ZNF660: variants seen among roughly 807,000 people sequenced by gnomAD.
The protein encoded by ZNF660 is zinc finger protein 660.
In ZNF660, 24 loss-of-function variants were observed where a neutral mutation model predicts 23.2. The ratio of observed to expected loss-of-function variants is 1.04; its 90% CI spans 0.75 to 1.46. The LOEUF (loss-of-function observed/expected upper bound fraction) is 1.46, where lower values mean the gene tolerates loss of function less well. ZNF660 is among the 40% of genes most tolerant of loss of function. The pLI, the probability that ZNF660 is intolerant of heterozygous loss-of-function variation, is 0.00. For synonymous variants in ZNF660, 117 were observed against 131.4 expected, an observed-to-expected ratio of 0.89 and a Z score of 0.75; for missense variants, 373 against 396.8, an observed-to-expected ratio of 0.94 and a Z score of 0.51.
chr3:44,597,910 G>C lies in ZNF660; in HGVS notation c.*2721G>C, dbSNP rs1700665356. On this transcript the variant is annotated 3_prime_UTR_variant, in exon 3 of 3. Transcript: ENST00000322734. The surrounding 1 kb of genome is among the most constrained non-coding windows in gnomAD (Gnocchi z 4.1). Reference sequence around the variant, plus strand: ...AGGCTAATACCTGCCTTGAGCTGTAGGAATAAACACTTGACAGTGGGTTCC... The same window carrying C: ...AGGCTAATACCTGCCTTGAGCTGTACGAATAAACACTTGACAGTGGGTTCC... 6.6e-6 allele frequency: 1 copy of C among 152,136 alleles called. No homozygotes were observed. Among genetic ancestry groups the C allele is most frequent in the African/African-American group, 2.4e-5 (1 of 41,404 alleles). The allele number at this position is 152,136 out of a possible 1,614,324, so 9.4% of individuals were successfully genotyped here.
chr3:44,595,090 G>A lies in ZNF660; in HGVS notation c.897G>A (p.Glu299=), dbSNP rs752803942. The change falls in exon 3 of 3, where the codon GAG becomes GAA. Residue 299 remains glutamate (E), a synonymous_variant. Transcript: ENST00000322734. ...VILHLRTHTK[E]KPYKCSECGK... is the part of the protein sequence containing the mutation. ...TACACTTGAGAACCCACACTAAGGA[G>A]AAACCCTATAAATGTAGTGAGTGTG... 9.3e-6 allele frequency: 15 copies of A among 1,613,880 alleles called. 1 individual carries two copies. The highest frequency in any genetic ancestry group is 2.5e-6 in the Non-Finnish European group (3 of 1,179,986).
At chr3:44,590,980 G>A (rs1700404665) in intron 2 of ZNF660, among the ~76,000 whole-genome samples, 1 of 152,192 alleles carries the variant, frequency 6.6e-6, no homozygotes, top group African/African-American at 2.4e-5. Context: ...ATGTGCCTGT[G>A]TATGGAATCA....
At position 44,595,408 on chromosome 3, in the gene ZNF660, C is replaced by T. The variant is rs1575410212; in HGVS notation, c.*219C>T. The T allele has an allele frequency of 2.3e-6, 1 of 439,804 alleles. No homozygotes were observed. The allele number at this position is 439,804 out of a possible 1,614,324, so 27.2% of individuals were successfully genotyped here. On this transcript the variant is annotated 3_prime_UTR_variant, in exon 3 of 3. Coordinates refer to ENST00000322734, the MANE Select transcript of ZNF660 (RefSeq NM_173658.4). The stretch of plus-strand genomic sequence containing the variant: ...TTACAGGGTTGAAATGAATGATGAG[C>T]TATCCATATGATGGTTCTGCAGCCA...
Position 44,594,580 on chromosome 3 carries a change from T to C in ZNF660, c.387T>C (p.Ser129=), listed in dbSNP as rs1262379033. Residue 129 remains serine (S), a synonymous_variant, in exon 3 of 3, where the codon AGT becomes AGC. Transcript: ENST00000322734. The part of the protein sequence containing the change: ...SHLIRHQGIH[S]GEKTYECKEC... ...TTATTCGGCACCAGGGAATCCACAG[T>C]GGGGAGAAAACTTATGAATGTAAAG... 6.2e-7 allele frequency: 1 copy of C among 1,614,148 alleles called. No individual in the cohort carries two copies.
At position 44,599,115 on chromosome 3, in the gene ZNF660, C is replaced by A. The variant is rs1700715457; in HGVS notation, c.*3926C>A. 1 of 152,176 alleles carries A rather than the reference C, an allele frequency of 6.6e-6. No individual in the cohort carries two copies. Among genetic ancestry groups the A allele is most frequent in the African/African-American group, 2.4e-5 (1 of 41,432 alleles). The allele number at this position is 152,176 out of a possible 1,614,324, so 9.4% of individuals were successfully genotyped here. ...CTTGTTATTTGGTTTCTTGTCTACT[C>A]ACATTTATTCACTTACAGTTTTAGT... On this transcript the variant is annotated 3_prime_UTR_variant, in exon 3 of 3. Transcript: ENST00000322734.
At position 44,597,825 on chromosome 3, in the gene ZNF660, AT is replaced by A. The variant is rs1294472669; in HGVS notation, c.*2639del. Reference sequence around the variant, plus strand: ...AGAACTGAATATAGGAGAGCTTCATATTTCTTGCCCCAGGCAGGCGAGGATT... The same window carrying A: ...AGAACTGAATATAGGAGAGCTTCATATTCTTGCCCCAGGCAGGCGAGGATT... On this transcript the variant is annotated 3_prime_UTR_variant, in exon 3 of 3. Transcript: ENST00000322734. This position sits in a 1 kb window ranked among gnomAD's most constrained non-coding sequence, Gnocchi z 4.1. 2.0e-5 allele frequency: 3 copies of A among 152,220 alleles called. No homozygotes were observed. The highest frequency in any genetic ancestry group is 7.2e-5 in the African/African-American group (3 of 41,450). The allele number at this position is 152,220 out of a possible 1,614,324, so 9.4% of individuals were successfully genotyped here.
intron 2 of ZNF660, among the ~76,000 whole-genome samples, chr3:44,589,226 C>G (rs1700334398): frequency 6.6e-6 from 1 of 152,194 alleles, no homozygotes; most frequent in South Asian, 2.1e-4. Context: ...TCCATCTGGG[C>G]TAATCTTCCT....
intron 2 of ZNF660, among the ~76,000 whole-genome samples, chr3:44,591,019 C>T (rs1700406200): frequency 6.6e-6 from 1 of 152,204 alleles, no homozygotes; most frequent in Non-Finnish European, 1.5e-5. Flanking sequence ...GAGATGTGAA[C>T]TCGAATATGT....
intron 2 of ZNF660, among the ~76,000 whole-genome samples, chr3:44,591,333 T>C (rs1700417339): frequency 6.6e-6 from 1 of 152,150 alleles, no homozygotes; most frequent in Admixed American, 6.5e-5. Flanking sequence ...CTCCCTGTCT[T>C]ACCCTGGCTG....
Position 44,594,027 on chromosome 3 carries a change from G to A in ZNF660, c.-167G>A, listed in dbSNP as rs1461590853. On this transcript the variant is annotated 5_prime_UTR_variant, in exon 3 of 3. Coordinates refer to ENST00000322734, the MANE Select transcript of ZNF660 (RefSeq NM_173658.4). ...TTCTCCTGTCAGATGGTGAAACTGG[G>A]ACTGAGGAGGAGTTAATTCCAAAGC... is the stretch of plus-strand genomic sequence containing the variant. 3.6e-6 allele frequency: 3 copies of A among 827,406 alleles called. No individual in the cohort carries two copies. Among genetic ancestry groups the A allele is most frequent in the Middle Eastern group, 2.2e-4 (1 of 4,554 alleles). The allele number at this position is 827,406 out of a possible 1,614,324, so 51.3% of individuals were successfully genotyped here. A position where few individuals can be genotyped will look rare whatever the true frequency, so the allele number is the denominator to read the frequency against.
At chr3:44,593,576 G>A (rs370437641) in intron 2 of ZNF660, among the ~76,000 whole-genome samples, 3 of 152,092 alleles carry the variant, frequency 2.0e-5, no homozygotes, top group East Asian at 1.9e-4. Context: ...TTAGCTGGGC[G>A]TGGTGGCAGG....
At chr3:44,592,606 A>G (rs1363943308) in intron 2 of ZNF660, among the ~76,000 whole-genome samples, 4 of 152,112 alleles carry the variant, frequency 2.6e-5, no homozygotes, top group African/African-American at 9.7e-5. Context: ...ATACTTTACT[A>G]TTATGCCATG....
At chr3:44,588,663 T>C (rs954906028) in intron 2 of ZNF660, among the ~76,000 whole-genome samples, 2 of 152,038 alleles carry the variant, frequency 1.3e-5, no homozygotes, top group African/African-American at 4.8e-5. Flanking sequence ...CTGGCTCACT[T>C]TTTAAAATAT....
chr3:44,594,724 TACTC>T lies in ZNF660; in HGVS notation c.533_536del (p.Thr178AsnfsTer51). On this transcript the variant is annotated frameshift_variant, in exon 3 of 3. Coordinates refer to ENST00000322734, the MANE Select transcript of ZNF660 (RefSeq NM_173658.4). LOFTEE classifies it high-confidence loss of function. ...AAGCCTTTAGCCGTAGTTCAAACCTTACTCAACATCAGCGAATGCACAGAGGAAA... is the reference window on the plus strand; with the variant it reads ...AAGCCTTTAGCCGTAGTTCAAACCTTAACATCAGCGAATGCACAGAGGAAA... The T allele has an allele frequency of 6.2e-7, 1 of 1,614,140 alleles. No individual in the cohort carries two copies. Among genetic ancestry groups the T allele is most frequent in the Non-Finnish European group, 8.5e-7 (1 of 1,180,034 alleles).
chr3:44,594,639 T>A lies in ZNF660; in HGVS notation c.446T>A (p.Leu149His). Reference sequence around the variant, plus strand: ...AAAGCCTTTAGTCGGAGTTCGGGCCTTATATCACATCACAGAGTTCACACC... The same window carrying A: ...AAAGCCTTTAGTCGGAGTTCGGGCCATATATCACATCACAGAGTTCACACC... ...CGKAFSRSSG[L>H]ISHHRVHTGE... Residue 149 changes from leucine to histidine, a missense_variant, in exon 3 of 3, where the codon CTT becomes CAT. Physicochemically the swap from Leu to His is moderately conservative, Grantham distance 99 (BLOSUM62 -3). Transcript: ENST00000322734. 6.2e-7 allele frequency: 1 copy of A among 1,613,932 alleles called. No individual in the cohort carries two copies. Among genetic ancestry groups the A allele is most frequent in the East Asian group, 2.2e-5 (1 of 44,842 alleles).
At chr3:44,592,493 C>T (rs908973176) in intron 2 of ZNF660, among the ~76,000 whole-genome samples, 15 of 152,174 alleles carry the variant, frequency 9.9e-5, no homozygotes, top group African/African-American at 3.1e-4. Context: ...CAGAGTTTCA[C>T]GTCAAACCAG....
Position 44,599,229 on chromosome 3 carries a change from A to AAT in ZNF660, c.*4047_*4048dup, listed in dbSNP as rs1433245651. The stretch of plus-strand genomic sequence containing the variant: ...TAGAATTGCTCCTGTGTAGAATAAA[A>AAT]ATATATATGCTCTTTTTAGTTGAGA... On this transcript the variant is annotated 3_prime_UTR_variant, in exon 3 of 3. Transcript: ENST00000322734. The AAT allele has an allele frequency of 6.6e-6, 1 of 152,200 alleles. No homozygotes were observed. Among genetic ancestry groups the AAT allele is most frequent in the Non-Finnish European group, 1.5e-5 (1 of 68,036 alleles). The allele number at this position is 152,200 out of a possible 1,614,324, so 9.4% of individuals were successfully genotyped here. A position where few individuals can be genotyped will look rare whatever the true frequency, so the allele number is the denominator to read the frequency against.
intron 1 of ZNF660, among the ~76,000 whole-genome samples, chr3:44,585,395 G>C (rs1455013126): frequency 6.6e-6 from 1 of 152,216 alleles, no homozygotes; most frequent in Non-Finnish European, 1.5e-5. Flanking sequence ...CTGGGGCCCA[G>C]AGAAGAGGAC....
Position 44,594,253 on chromosome 3 carries a change from A to G in ZNF660, c.60A>G (p.Thr20=), listed in dbSNP as rs758583112. ...CAGTTAAAGACAATAAAGTACTCACAGAAGGGAGTGACCAAGAATCTGAAA... is the reference window on the plus strand; with the variant it reads ...CAGTTAAAGACAATAAAGTACTCACGGAAGGGAGTGACCAAGAATCTGAAA... ...HKTVKDNKVL[T]EGSDQESEKD... The change falls in exon 3 of 3, where the codon ACA becomes ACG. Residue 20 remains threonine, a synonymous_variant. Coordinates refer to ENST00000322734, the MANE Select transcript of ZNF660 (RefSeq NM_173658.4). 1.2e-6 allele frequency: 2 copies of G among 1,613,902 alleles called. No individual in the cohort carries two copies. The highest frequency in any genetic ancestry group is 2.7e-5 in the African/African-American group (2 of 74,942).
Sources: allele counts gnomAD v4.1 joint callset (sites outside exome capture counted in the v4.1 genomes callset), GRCh38; gene constraint gnomAD v4.1.1; non-coding constraint Gnocchi (gnomAD v3.1); transcripts MANE v1.5; gene names NCBI Gene and HGNC (gene_info 2026-07-23, HGNC 2026-07-21).